The following CNPY3 variants were observed in gnomAD, a reference collection of about 807,000 sequenced individuals.
CNPY3 encodes the protein canopy FGF signaling regulator 3, also known as protein canopy homolog 3.
A neutral mutation model predicts 32.0 loss-of-function variants in CNPY3; 20 were observed. The observed-to-expected ratio is 0.63, with a 90% CI of 0.44 to 0.91. The LOEUF (loss-of-function observed/expected upper bound fraction) is 0.91, where lower values mean the gene tolerates loss of function less well. CNPY3 is among the 40% of genes least tolerant of loss of function. The pLI is 0.00. For missense variants in CNPY3, 299 were observed against 340.8 expected (o/e 0.88, Z 0.97); for synonymous variants, 138 against 142.9 (o/e 0.97, Z 0.24).
At chr6:42,931,586 C>G (rs978365219) in intron 1 of CNPY3, among the ~76,000 whole-genome samples, 28 of 152,006 alleles carry the variant, frequency 1.8e-4, no homozygotes, top group African/African-American at 6.3e-4. Flanking sequence ...GTCTTGAACT[C>G]CTGAACTCGG....
At chr6:42,931,943 G>C (rs985234059) in intron 1 of CNPY3, among the ~76,000 whole-genome samples, 2 of 151,848 alleles carry the variant, frequency 1.3e-5, no homozygotes, top group African/African-American at 4.8e-5. Context: ...GGTTGGTCTT[G>C]AACTCCTGAC....
intron 1 of CNPY3, 145 bp from the exon 2 acceptor site, chr6:42,934,330 C>A: frequency 1.1e-6 from 1 of 909,710 alleles, no homozygotes; most frequent in Non-Finnish European, 1.7e-6. Context: ...TTAGCCTCCA[C>A]AGGTTCTAAC....
At chr6:42,928,041 G>C (rs957382294), upstream of CNPY3, among the ~76,000 whole-genome samples, 1 of 149,140 alleles carries the variant, frequency 6.7e-6, no homozygotes, top group South Asian at 2.1e-4. Context: ...AGGCTGGAGT[G>C]CAATGGCGTG....
chr6:42,929,773 C>A, intron 1 of CNPY3, 52 bp downstream of exon 1: 1 of 1,509,114 alleles, frequency 6.6e-7, no homozygotes, highest in East Asian at 2.5e-5. Context: ...CTGGCTCCAG[C>A]GGTGGTGCTT....
rs1343438154 is a variant in CNPY3, at chr6:42,938,817, G to GA, written c.*27dup. ...GCCCACCCAGCATCCTCTGTCCTGA[G>GA]ACCCCTGATTTTGAAGCTGAGGAGT... On this transcript the variant is annotated 3_prime_UTR_variant, in exon 6 of 6. Transcript: ENST00000372836. 1.9e-6 allele frequency: 3 copies of GA among 1,546,254 alleles called. No individual in the cohort carries two copies. The South Asian group carries it at 3.7e-5, about 19-fold the overall frequency.
chr6:42,929,775 G>A, intron 1 of CNPY3, 54 bp downstream of exon 1: 1 of 1,509,360 alleles, frequency 6.6e-7, no homozygotes, highest in South Asian at 1.2e-5. Context: ...GGCTCCAGCG[G>A]TGGTGCTTGC....
chr6:42,930,461 C>T (rs1273160615), intron 1 of CNPY3, among the ~76,000 whole-genome samples: 1 of 151,970 alleles, frequency 6.6e-6, no homozygotes, highest in Non-Finnish European at 1.5e-5. Flanking sequence ...AACAATAGAG[C>T]CTATGGGGAA....
In CNPY3 at chr6:42,929,666, G is replaced by A. The variant is rs748394656; in HGVS notation, c.96G>A (p.Pro32=). ...LLLLPAPELG[P]SQAGAEENDW... ...TGCTGCCGGCCCCGGAGCTGGGCCCGAGCCAGGCCGGAGCTGAGGAGAACG... is the reference window on the plus strand; with the variant it reads ...TGCTGCCGGCCCCGGAGCTGGGCCCAAGCCAGGCCGGAGCTGAGGAGAACG... Residue 32 remains proline, a synonymous_variant, in exon 1 of 6, where the codon CCG becomes CCA. Coordinates refer to ENST00000372836, the MANE Select transcript of CNPY3 (RefSeq NM_006586.5). 5 of 1,552,752 alleles carry A rather than the reference G, an allele frequency of 3.2e-6. No individual in the cohort carries two copies. The highest frequency in any genetic ancestry group is 1.4e-5 in the African/African-American group (1 of 73,258).
rs1326151906 is a variant in CNPY3 at position 42,929,562 on chromosome 6, G to A, written c.-9G>A. The A allele has an allele frequency of 3.2e-6, 5 of 1,568,828 alleles. No homozygotes were observed. Among genetic ancestry groups the A allele is most frequent in the Admixed American group, 3.7e-5 (2 of 53,630 alleles). Reference sequence around the variant, plus strand: ...GCCCGGTCCTTTAGGGTCCGGGCCCGGCCGGGCCATGGATTCAATGCCTGA... The same window carrying A: ...GCCCGGTCCTTTAGGGTCCGGGCCCAGCCGGGCCATGGATTCAATGCCTGA... On this transcript the variant is annotated 5_prime_UTR_variant, in exon 1 of 6. Transcript: ENST00000372836.
chr6:42,938,851 T>C lies in CNPY3; in HGVS notation c.*60T>C. On this transcript the variant is annotated 3_prime_UTR_variant, in exon 6 of 6. Transcript: ENST00000372836. Reference sequence around the variant, plus strand: ...TTTTGAAGCTGAGGAGTCAGGGGCATGGCTCTGGCAGGCCGGGATGGCCCC... The same window carrying C: ...TTTTGAAGCTGAGGAGTCAGGGGCACGGCTCTGGCAGGCCGGGATGGCCCC... 6.7e-7 allele frequency: 1 copy of C among 1,494,044 alleles called. No individual in the cohort carries two copies. 92.5% of individuals were successfully genotyped at this position (1,494,044 alleles called of 1,614,324 possible). A position where few individuals can be genotyped will look rare whatever the true frequency, so the allele number is the denominator to read the frequency against.
intron 1 of CNPY3, among the ~76,000 whole-genome samples, chr6:42,930,035 G>A (rs1767681174): frequency 6.6e-6 from 1 of 152,140 alleles, no homozygotes; most frequent in Admixed American, 6.6e-5. Context: ...GGTGGGCGAA[G>A]GCTGTGTGCA....
intron 1 of CNPY3, among the ~76,000 whole-genome samples, chr6:42,932,439 AG>A (rs1272942743): frequency 6.6e-6 from 1 of 152,088 alleles, no homozygotes; most frequent in Non-Finnish European, 1.5e-5. Context: ...GATGTCAGTG[AG>A]GGTCTGGTGT....
intron 1 of CNPY3, among the ~76,000 whole-genome samples, chr6:42,930,603 A>G (rs1364623425): frequency 6.6e-6 from 1 of 152,140 alleles, no homozygotes; most frequent in Non-Finnish European, 1.5e-5. Flanking sequence ...CTTTTTCCTC[A>G]ACTCCGTCCC....
At chr6:42,928,524 T>G (rs890789273), upstream of CNPY3, among the ~76,000 whole-genome samples, 5 of 152,074 alleles carry the variant, frequency 3.3e-5, no homozygotes, top group African/African-American at 1.2e-4. Context: ...GCTCAGGTGA[T>G]CCTTCCGCCT....
chr6:42,929,878 A>G (rs16896170), intron 1 of CNPY3, among the ~76,000 whole-genome samples, 157 bp downstream of exon 1: 1 of 152,152 alleles, frequency 6.6e-6, no homozygotes, highest in Non-Finnish European at 1.5e-5. Flanking sequence ...CGGACGAGAG[A>G]TCTGGTCCCG....
chr6:42,928,930 CTAGGACAAATCTACTGGCTACTAA>C (rs1767541230), upstream of CNPY3, among the ~76,000 whole-genome samples: 3 of 152,196 alleles, frequency 2.0e-5, no homozygotes, highest in Non-Finnish European at 4.4e-5. Flanking sequence ...CTAGTTCTCA[CTAGGACAAATCTACTGGCTACTAA>C]AAAAGTGTGA....
chr6:42,938,727 C>T lies in CNPY3; in HGVS notation c.773C>T (p.Pro258Leu). ...GGTGGCCTTGAGGGAGACCCCAGCC[C>T]CGAGGAGGATGAGGGCATCCAGAAG... is the stretch of plus-strand genomic sequence containing the variant. Reference protein sequence around the residue: ...ELGGLEGDPSPEEDEGIQKAS... With the variant: ...ELGGLEGDPSLEEDEGIQKAS... Residue 258 changes from proline (P) to leucine (L), a missense_variant, in exon 6 of 6, where the codon CCC (proline) becomes CTC (leucine). Pro to Leu is a moderately conservative substitution (Grantham distance 98, BLOSUM62 -3). Around this residue, in one of 2 missense-constraint regions of CNPY3, gnomAD observed 211 missense variants for 278.3 expected, o/e 0.76. Transcript: ENST00000372836. 1 of 1,613,906 alleles carries T rather than the reference C, an allele frequency of 6.2e-7. No homozygotes were observed. Among genetic ancestry groups the T allele is most frequent in the Non-Finnish European group, 8.5e-7 (1 of 1,179,894 alleles).
In CNPY3 at chr6:42,938,975, C is replaced by T. The variant is rs959715537; in HGVS notation, c.*184C>T. Reference sequence around the variant, plus strand: ...CAGAGCCGTCATGGGTAGCCCACGCCGTCCTTTCCCCTCCCCAAGTGTTTC... The same window carrying T: ...CAGAGCCGTCATGGGTAGCCCACGCTGTCCTTTCCCCTCCCCAAGTGTTTC... On this transcript the variant is annotated 3_prime_UTR_variant, in exon 6 of 6. Transcript: ENST00000372836. The T allele has an allele frequency of 1.2e-5, 17 of 1,377,574 alleles. No homozygotes were observed. Among genetic ancestry groups the T allele is most frequent in the African/African-American group, 1.2e-4 (8 of 68,276 alleles). The allele number at this position is 1,377,574 out of a possible 1,614,324, so 85.3% of individuals were successfully genotyped here. A position where few individuals can be genotyped will look rare whatever the true frequency, so the allele number is the denominator to read the frequency against.
intron 1 of CNPY3, among the ~76,000 whole-genome samples, chr6:42,931,812 C>T (rs954508002): frequency 6.6e-6 from 1 of 152,114 alleles, no homozygotes; most frequent in African/African-American, 2.4e-5. Context: ...CAACCTCTGC[C>T]TCCAGGGTTC....
Sources: allele counts gnomAD v4.1 joint callset (sites outside exome capture counted in the v4.1 genomes callset), GRCh38; gene constraint gnomAD v4.1.1; regional missense constraint gnomAD v4.1.1; transcripts MANE v1.5; gene names NCBI Gene and HGNC (gene_info 2026-07-23, HGNC 2026-07-21).